DDX56: variants seen among roughly 807,000 people sequenced by gnomAD.
DDX56 encodes the protein DEAD-box helicase 56.
Under a neutral mutation model 61.5 loss-of-function variants are expected in DDX56, and 45 were observed. That is an observed-to-expected ratio of 0.73 (90% confidence interval 0.58 to 0.94). The LOEUF is 0.94. Ranked by LOEUF, DDX56 falls within the 40% of genes least tolerant of loss-of-function variation. The pLI is 0.00. For synonymous variants in DDX56, 273 were observed against 268.3 expected (o/e 1.02, Z -0.17); for missense variants, 708 against 690.7 (o/e 1.02, Z -0.28).
At position 44,568,939 on chromosome 7, in the gene DDX56, C is replaced by T; in HGVS notation, c.1347G>A (p.Glu449=). ...KQAIREARLK[E]IKEELLHSEK... is the part of the protein sequence containing the mutation. ...CAGAATGCAGAAGCTCTTCCTTGAT[C>T]TCCTTCAATCTTGCCTCCCGAATGG... Residue 449 remains glutamate (E), a synonymous_variant, in exon 11 of 14, where the codon GAG becomes GAA. Coordinates refer to ENST00000258772, the MANE Select transcript of DDX56 (RefSeq NM_019082.4). The T allele has an allele frequency of 6.2e-7, 1 of 1,614,178 alleles. No homozygotes were observed. Among genetic ancestry groups the T allele is most frequent in the East Asian group, 2.2e-5 (1 of 44,858 alleles).
intron 4 of DDX56, 52 bp from the exon 5 acceptor site, chr7:44,572,489 G>T (rs1562585299): frequency 6.2e-7 from 1 of 1,612,936 alleles, no homozygotes; most frequent in Non-Finnish European, 8.5e-7. Flanking sequence ...GCTAATTGTA[G>T]TAACTGGCTT....
chr7:44,570,953 T>A, intron 6 of DDX56, 76 bp from the exon 7 acceptor site: 1 of 1,521,258 alleles, frequency 6.6e-7, no homozygotes, highest in Non-Finnish European at 8.9e-7. Flanking sequence ...AGTATCACAG[T>A]AACCATCACC....
At chr7:44,568,055 C>G (rs1802585512) in intron 12 of DDX56, 63 bp downstream of exon 12, 2 of 1,304,386 alleles carry the variant, frequency 1.5e-6, no homozygotes, top group Admixed American at 3.5e-5. Context: ...GCTGACCCAG[C>G]AGTGGAGAAA....
At chr7:44,566,565 T>G in intron 12 of DDX56, 41 bp from the exon 13 acceptor site, 1 of 1,462,684 alleles carries the variant, frequency 6.8e-7, no homozygotes, top group Non-Finnish European at 9.2e-7. Flanking sequence ...TCACCGCTAC[T>G]GCTCCCATCC....
intron 6 of DDX56, 140 bp downstream of exon 6, chr7:44,571,352 T>A (rs1802664148): frequency 2.0e-6 from 2 of 998,520 alleles, no homozygotes; most frequent in Non-Finnish European, 2.9e-6. Flanking sequence ...ATGATAGGTA[T>A]TTTGGAGTTG....
At chr7:44,571,065 T>C (rs1802657171) in intron 6 of DDX56, among the ~76,000 whole-genome samples, 188 bp from the exon 7 acceptor site, 1 of 152,144 alleles carries the variant, frequency 6.6e-6, no homozygotes. Context: ...TGAGACAGAG[T>C]TTCACTCCTG....
At chr7:44,569,981 T>C in intron 8 of DDX56, 34 bp downstream of exon 8, 3 of 1,613,812 alleles carry the variant, frequency 1.9e-6, no homozygotes, top group Non-Finnish European at 2.5e-6. Flanking sequence ...TCAGTGTGCC[T>C]ACCATGCAGA....
chr7:44,567,052 G>T (rs1235870327), intron 12 of DDX56, among the ~76,000 whole-genome samples: 1 of 152,036 alleles, frequency 6.6e-6, no homozygotes, highest in Admixed American at 6.6e-5. Flanking sequence ...GAGCAGACTG[G>T]GTTCCTGAGG....
chr7:44,572,521 C>G lies in DDX56; in HGVS notation c.554+53G>C, dbSNP rs1802703488. 42 of 1,613,458 alleles carry G rather than the reference C, an allele frequency of 2.6e-5. 1 individual carries two copies. The South Asian group carries it at 4.6e-4, about 18-fold the overall frequency. On this transcript the variant is annotated intron_variant, in intron 4 of 13. Transcript: ENST00000258772. ...GCTTCCAGCCACCCCGCTCTCGTCC[C>G]AACTCCTACTCACAGATGTTTCCAC...
Position 44,571,653 on chromosome 7 carries a change from G to A in DDX56, c.729C>T (p.Asp243=), listed in dbSNP as rs776086145. The A allele has an allele frequency of 2.0e-5, 33 of 1,614,054 alleles. No homozygotes were observed. The highest frequency in any genetic ancestry group is 4.2e-6 in the Non-Finnish European group (5 of 1,180,044). ...GCAGGGCATACAGCAGGAGGAATTT[G>A]TCTTCCTCAGTCTCACAGACCACCT... ...QFQVVCETEE[D]KFLLLYALLK... The change falls in exon 6 of 14, where the codon GAC becomes GAT. Residue 243 remains aspartate, a synonymous_variant. Coordinates refer to ENST00000258772, the MANE Select transcript of DDX56 (RefSeq NM_019082.4).
Position 44,572,649 on chromosome 7 carries a change from AG to A in DDX56, c.478del (p.Leu160TrpfsTer51), listed in dbSNP as rs1802706319. ...AGCTTCGTCCACCACCAAAAGCTCC[AG>A]GGAGTCACGAAGTTTCAGGCTGTCT... ...QQDSLKLRDS[L>X]ELLVVDEADL... is the part of the protein sequence containing the mutation. On this transcript the variant is annotated frameshift_variant, in exon 4 of 14. Coordinates refer to ENST00000258772, the MANE Select transcript of DDX56 (RefSeq NM_019082.4). LOFTEE classifies it high-confidence loss of function. The A allele has an allele frequency of 1.2e-6, 2 of 1,614,100 alleles. No homozygotes were observed. The highest frequency in any genetic ancestry group is 2.7e-5 in the African/African-American group (2 of 74,924).
intron 12 of DDX56, among the ~76,000 whole-genome samples, chr7:44,567,212 C>T (rs1001386134): frequency 1.1e-4 from 16 of 152,004 alleles, no homozygotes; most frequent in African/African-American, 3.9e-4. Context: ...TTTCATGTTC[C>T]CATCTCTTCT....
rs1247802219 is a variant in DDX56, at chr7:44,573,857, G to A, written c.39C>T (p.Gly13=). The stretch of plus-strand genomic sequence containing the variant: ...GTACCTGAAGGAGCCGGGGATCGAG[G>A]CCCATGTGTTCGAAGCCCAGTGCTT... The part of the protein sequence containing the change: ...DSEALGFEHM[G]LDPRLLQAVT... Residue 13 remains glycine (G), a synonymous_variant, in exon 1 of 14, where the codon GGC becomes GGT. Transcript: ENST00000258772. The A allele has an allele frequency of 1.2e-6, 2 of 1,613,312 alleles. No individual in the cohort carries two copies. The highest frequency in any genetic ancestry group is 2.2e-5 in the East Asian group (1 of 44,874).
rs1182543159 is a variant in DDX56, at chr7:44,569,815, T to A, written c.1213A>T (p.Ser405Cys). 2 of 1,606,570 alleles carry A rather than the reference T, an allele frequency of 1.2e-6. No individual in the cohort carries two copies. The highest frequency in any genetic ancestry group is 3.4e-5 in the Admixed American group (2 of 59,400). The part of the protein sequence containing the change: ...FHLGKIEELL[S>C]GENRGPILLP... The stretch of plus-strand genomic sequence containing the variant: ...ACAAGAGCCAGGCTCTTACCTCCAC[T>A]GAGAAGCTCCTCAATCTTGCCTAAG... Residue 405 changes from serine (S) to cysteine (C), a missense_variant, in exon 9 of 14, where the codon AGT (serine) becomes TGT (cysteine). Ser to Cys is a moderately radical substitution (Grantham distance 112, BLOSUM62 -1). Coordinates refer to ENST00000258772, the MANE Select transcript of DDX56 (RefSeq NM_019082.4).
intron 7 of DDX56, 112 bp from the exon 8 acceptor site, chr7:44,570,240 T>C: frequency 7.3e-7 from 1 of 1,361,494 alleles, no homozygotes; most frequent in Non-Finnish European, 1.0e-6. Context: ...GACCCTGACA[T>C]ACAGAGGACT....
chr7:44,569,182 A>G lies in DDX56; in HGVS notation c.1241T>C (p.Leu414Pro), dbSNP rs1585170758. 6.2e-7 allele frequency: 1 copy of G among 1,613,796 alleles called. No homozygotes were observed. The highest frequency in any genetic ancestry group is 2.2e-5 in the East Asian group (1 of 44,852). The change falls in exon 10 of 14, where the codon CTC (leucine) becomes CCC (proline). Residue 414 changes from leucine (L) to proline (P), a missense_variant. By Grantham distance (98) the Leu-to-Pro change is moderately conservative. Coordinates refer to ENST00000258772, the MANE Select transcript of DDX56 (RefSeq NM_019082.4). ...LSGENRGPIL[L>P]PYQFRMEEIE... is the part of the protein sequence containing the mutation. ...CTCCTCCATCCGGAACTGGTAGGGGAGCAGAATGGGGCCCCTGTTCTCTGT... is the reference window on the plus strand; with the variant it reads ...CTCCTCCATCCGGAACTGGTAGGGGGGCAGAATGGGGCCCCTGTTCTCTGT...
At chr7:44,567,789 A>C in intron 12 of DDX56, 1 of 393,060 alleles carries the variant, frequency 2.5e-6, no homozygotes, top group Admixed American at 4.1e-5. Flanking sequence ...CTCTCTCCCA[A>C]ACCTGTTCAC....
chr7:44,569,837 T>C lies in DDX56; in HGVS notation c.1191A>G (p.Leu397=). The C allele has an allele frequency of 6.2e-7, 1 of 1,610,162 alleles. No individual in the cohort carries two copies. Among genetic ancestry groups the C allele is most frequent in the Non-Finnish European group, 8.5e-7 (1 of 1,177,918 alleles). ...TFVLPTEQFH[L]GKIEELLSGE... is the part of the protein sequence containing the mutation. The stretch of plus-strand genomic sequence containing the variant: ...CACTGAGAAGCTCCTCAATCTTGCC[T>C]AAGTGGAACTGCTCCGTGGGAAGCA... The change falls in exon 9 of 14, where the codon TTA becomes TTG. Residue 397 remains leucine, a synonymous_variant. Transcript: ENST00000258772.
In DDX56 at chr7:44,572,680, G is replaced by C. The variant is rs374684543; in HGVS notation, c.448C>G (p.Gln150Glu). Residue 150 changes from glutamine (Q) to glutamate (E), a missense_variant, in exon 4 of 14, where the codon CAG (glutamine) becomes GAG (glutamate). Coordinates refer to ENST00000258772, the MANE Select transcript of DDX56 (RefSeq NM_019082.4). ...TCACGAAGTTTCAGGCTGTCTTGCT[G>C]CAAGTGGCTTAATATGCGAGATGGG... ...GTPSRILSHL[Q>E]QDSLKLRDSL... is the part of the protein sequence containing the mutation. 1.2e-6 allele frequency: 2 copies of C among 1,614,058 alleles called. No homozygotes were observed. Among genetic ancestry groups the C allele is most frequent in the African/African-American group, 1.3e-5 (1 of 74,902 alleles).
Sources: allele counts gnomAD v4.1 joint callset (sites outside exome capture counted in the v4.1 genomes callset), GRCh38; gene constraint gnomAD v4.1.1; transcripts MANE v1.5; gene names NCBI Gene and HGNC (gene_info 2026-07-23, HGNC 2026-07-21).